DCAF15: variants seen among roughly 807,000 people sequenced by gnomAD.
The protein encoded by DCAF15 is DDB1 and CUL4 associated factor 15, also known as DDB1- and CUL4-associated factor 15.
A neutral mutation model predicts 68.0 loss-of-function variants in DCAF15; 24 were observed. That is an observed-to-expected ratio of 0.35 (90% confidence interval 0.26 to 0.50). DCAF15 has a LOEUF of 0.50. Ranked by LOEUF, DCAF15 falls within the 20% of genes least tolerant of loss-of-function variation. The pLI is 0.98. For missense variants in DCAF15, 627 were observed against 830.6 expected (o/e 0.75, Z 3.01); for synonymous variants, 376 against 341.6 (o/e 1.10, Z -1.11).
At chr19:13,955,688 C>A (rs879335416) in intron 3 of DCAF15, among the ~76,000 whole-genome samples, 22 of 152,188 alleles carry the variant, frequency 1.4e-4, no homozygotes, top group African/African-American at 5.3e-4. Flanking sequence ...GCAGTCTCCC[C>A]CGGGACATTG....
chr19:13,955,375 C>G (rs753244196), intron 3 of DCAF15, among the ~76,000 whole-genome samples: 1 of 152,112 alleles, frequency 6.6e-6, no homozygotes, highest in Non-Finnish European at 1.5e-5. Flanking sequence ...GAGCCGAGAT[C>G]GAACCACTGC....
chr19:13,958,748 T>C (rs1310097403), intron 6 of DCAF15, among the ~76,000 whole-genome samples: 2 of 152,148 alleles, frequency 1.3e-5, no homozygotes, highest in African/African-American at 4.8e-5. Flanking sequence ...CTCTACGCTG[T>C]AGAGTGTTGT....
chr19:13,954,327 A>T lies in DCAF15; in HGVS notation c.133-13A>T. 1.2e-6 allele frequency: 2 copies of T among 1,611,270 alleles called. No homozygotes were observed. Among genetic ancestry groups the T allele is most frequent in the Non-Finnish European group, 1.7e-6 (2 of 1,179,156 alleles). ...AGATGGTGCCTGAAGTGCCCTGGCCACCCCTTCCCCAGATCAGCGGACAGC... is the reference window on the plus strand; with the variant it reads ...AGATGGTGCCTGAAGTGCCCTGGCCTCCCCTTCCCCAGATCAGCGGACAGC... On this transcript the variant is annotated splice_polypyrimidine_tract_variant and intron_variant, in intron 1 of 12. Transcript: ENST00000254337.
chr19:13,952,975 C>T (rs566034063), intron 1 of DCAF15: 2 of 1,034,428 alleles, frequency 1.9e-6, no homozygotes, highest in East Asian at 2.9e-5. Flanking sequence ...CCAGGCTTTT[C>T]AAAGCTCTGC....
In DCAF15 at chr19:13,959,493, A is replaced by G; in HGVS notation, c.1219+14A>G. On this transcript the variant is annotated intron_variant, in intron 7 of 12. Transcript: ENST00000254337. Reference sequence around the variant, plus strand: ...AGCCGGAGGATGGTGAGCGGGGGGCAGGCATGTGACAGGGCCTGGGATGGA... The same window carrying G: ...AGCCGGAGGATGGTGAGCGGGGGGCGGGCATGTGACAGGGCCTGGGATGGA... The G allele has an allele frequency of 6.2e-7, 1 of 1,608,828 alleles. No homozygotes were observed.
At position 13,958,774 on chromosome 19, in the gene DCAF15, G is replaced by A. The variant is rs565576931; in HGVS notation, c.785-271G>A. On this transcript the variant is annotated intron_variant, in intron 6 of 12. Transcript: ENST00000254337. Reference sequence around the variant, plus strand: ...AGAGTGTTGTCTCCCTCAGGGCAGGGTTCTGTCTGTCTGGTTCACTCCTGT... The same window carrying A: ...AGAGTGTTGTCTCCCTCAGGGCAGGATTCTGTCTGTCTGGTTCACTCCTGT... Among the ~76,000 whole-genome samples the A allele has an allele frequency of 2.0e-5, 3 of 152,248 alleles. No individual in the cohort carries two copies. The South Asian group carries it at 6.2e-4, about 32-fold the overall frequency.
rs73517649 is a variant in DCAF15 at position 13,959,406 on chromosome 19, C to T, written c.1146C>T (p.Ser382=). The change falls in exon 7 of 13, where the codon TCC becomes TCT. Residue 382 remains serine, a synonymous_variant. Transcript: ENST00000254337. ...DSPPASEAPA[S]EPGYVNYTKL... ...CCCCTGCCTCGGAGGCACCTGCCTCCGAGCCTGGCTATGTCAACTACACCA... is the reference window on the plus strand; with the variant it reads ...CCCCTGCCTCGGAGGCACCTGCCTCTGAGCCTGGCTATGTCAACTACACCA... 1,541 of 1,607,306 alleles carry T rather than the reference C, an allele frequency of 9.6e-4. 16 individuals are homozygous for T. In the African/African-American group the frequency reaches 0.018, roughly 19 times the overall value.
At position 13,959,287 on chromosome 19, in the gene DCAF15, C is replaced by T. The variant is rs749578084; in HGVS notation, c.1027C>T (p.Arg343Trp). ...CAAGGGCGGGGTCCCTGAGGAAGCC[C>T]GGCCTGCCCTGTGCCCAGGACCCTC... ...EAKGGVPEEA[R>W]PALCPGPSGS... The change falls in exon 7 of 13, where the codon CGG becomes TGG. Residue 343 changes from arginine (R) to tryptophan (W), a missense_variant. Around this residue, in one of 3 missense-constraint regions of DCAF15, gnomAD observed 236 missense variants for 225.1 expected, o/e 1.05. Coordinates refer to ENST00000254337, the MANE Select transcript of DCAF15 (RefSeq NM_138353.4). The T allele has an allele frequency of 1.0e-4, 169 of 1,610,240 alleles. 1 individual carries two copies. Among genetic ancestry groups the T allele is most frequent in the East Asian group, 8.7e-4 (39 of 44,862 alleles).
At position 13,960,961 on chromosome 19, in the gene DCAF15, C is replaced by T. The variant is rs376320375; in HGVS notation, c.1769C>T (p.Ala590Val). 2.4e-5 allele frequency: 38 copies of T among 1,613,838 alleles called. No individual in the cohort carries two copies. Among genetic ancestry groups the T allele is most frequent in the Non-Finnish European group, 3.0e-5 (35 of 1,180,018 alleles). Reference sequence around the variant, plus strand: ...GTAGGGTGCTCCCTGAAGGTTCTGGCGGACAGCGAGCGATATACGTGGATC... The same window carrying T: ...GTAGGGTGCTCCCTGAAGGTTCTGGTGGACAGCGAGCGATATACGTGGATC... ...LHKGCSLKVL[A>V]DSERYTWIVL The change falls in exon 13 of 13, where the codon GCG (alanine) becomes GTG (valine). Residue 590 changes from alanine to valine, a missense_variant. Transcript: ENST00000254337.
chr19:13,953,175 C>G, intron 1 of DCAF15: 1 of 1,514,772 alleles, frequency 6.6e-7, no homozygotes, highest in Middle Eastern at 1.7e-4. Flanking sequence ...CTGAGTCTTC[C>G]CCCGCAGAGT....
At position 13,959,575 on chromosome 19, in the gene DCAF15, T is replaced by TCC. The variant is rs771002537; in HGVS notation, c.1220-4_1220-3dup. On this transcript the variant is annotated splice_polypyrimidine_tract_variant and splice_region_variant and intron_variant, in intron 7 of 12. Coordinates refer to ENST00000254337, the MANE Select transcript of DCAF15 (RefSeq NM_138353.4). ...CTCCACCCCACCCCCACTTCCTGCC[T>TCC]CCCCAGAGTTGGAGGACGACAAGAT... The TCC allele has an allele frequency of 1.2e-5, 16 of 1,347,054 alleles. No individual in the cohort carries two copies. 83.4% of individuals were successfully genotyped at this position (1,347,054 alleles called of 1,614,324 possible).
In DCAF15 at chr19:13,960,037, C is replaced by T. The variant is rs780400480; in HGVS notation, c.1494C>T (p.Ala498=). 9 of 1,613,754 alleles carry T rather than the reference C, an allele frequency of 5.6e-6. No homozygotes were observed. The African/African-American group carries it at 1.1e-4, about 19-fold the overall frequency. The change falls in exon 10 of 13, where the codon GCC becomes GCT. Residue 498 remains alanine, a synonymous_variant. Transcript: ENST00000254337. ...TCAACATTGGCCTGCTGCTCCTGGC[C>T]TTCCCGTCCCCCACTGAGGAGGGCC... ...VLINIGLLLL[A]FPSPTEEGQL... is the part of the protein sequence containing the mutation.
Position 13,952,660 on chromosome 19 carries a change from G to T in DCAF15, c.132+16G>T. ...GCGGGTCAAGGTGAGGCCTGGAGCCGGAGTGGGGAGCGCGCCGGAGGGTGG... is the reference window on the plus strand; with the variant it reads ...GCGGGTCAAGGTGAGGCCTGGAGCCTGAGTGGGGAGCGCGCCGGAGGGTGG... On this transcript the variant is annotated intron_variant, in intron 1 of 12. Coordinates refer to ENST00000254337, the MANE Select transcript of DCAF15 (RefSeq NM_138353.4). 2.3e-6 allele frequency: 3 copies of T among 1,294,728 alleles called. No individual in the cohort carries two copies. Among genetic ancestry groups the T allele is most frequent in the Non-Finnish European group, 2.0e-6 (2 of 1,020,670 alleles). 80.2% of individuals were successfully genotyped at this position (1,294,728 alleles called of 1,614,324 possible).
intron 12 of DCAF15, 62 bp from the exon 13 acceptor site, chr19:13,960,877 AG>A (rs1973600219): frequency 6.2e-7 from 1 of 1,605,372 alleles, no homozygotes; most frequent in African/African-American, 1.3e-5. Flanking sequence ...AGTCAGGTGG[AG>A]GGTGTGGCCG....
intron 6 of DCAF15, among the ~76,000 whole-genome samples, chr19:13,958,683 A>T (rs1371483095): frequency 6.6e-6 from 1 of 152,056 alleles, no homozygotes; most frequent in Non-Finnish European, 1.5e-5. Context: ...AAATCACAAG[A>T]TGTCCCTCGA....
rs1424314201 is a variant in DCAF15 at position 13,961,215 on chromosome 19, G to GC, written c.*225dup. ...AGTTGGGAAGGGGCAGAGAGAGGGC[G>GC]CCCCCTGCCCCACCAGCCTGAGTGC... On this transcript the variant is annotated 3_prime_UTR_variant, in exon 13 of 13. Transcript: ENST00000254337. 1 of 600,658 alleles carries GC rather than the reference G, an allele frequency of 1.7e-6. No homozygotes were observed. Among genetic ancestry groups the GC allele is most frequent in the Non-Finnish European group, 2.9e-6 (1 of 339,118 alleles). The allele number at this position is 600,658 out of a possible 1,614,324, so 37.2% of individuals were successfully genotyped here.
At chr19:13,956,642 A>G in intron 6 of DCAF15, 120 bp downstream of exon 6, 2 of 1,179,716 alleles carry the variant, frequency 1.7e-6, no homozygotes, top group South Asian at 2.9e-5. Context: ...CAAGTCACAC[A>G]GCCTGGTTGT....
Position 13,952,953 on chromosome 19 carries a change from G to A in DCAF15, c.132+309G>A. ...CAGAGGCCGCAGGGAGAATCAGGAGGAAGGGGGCGATCCAGGCTTTTCAAA... is the reference window on the plus strand; with the variant it reads ...CAGAGGCCGCAGGGAGAATCAGGAGAAAGGGGGCGATCCAGGCTTTTCAAA... On this transcript the variant is annotated intron_variant, in intron 1 of 12. Coordinates refer to ENST00000254337, the MANE Select transcript of DCAF15 (RefSeq NM_138353.4). The A allele has an allele frequency of 3.2e-6, 3 of 929,496 alleles. No individual in the cohort carries two copies. In the East Asian group the frequency reaches 9.0e-5, roughly 28 times the overall value. The allele number at this position is 929,496 out of a possible 1,614,324, so 57.6% of individuals were successfully genotyped here.
intron 6 of DCAF15, among the ~76,000 whole-genome samples, chr19:13,958,468 A>T (rs1403412479): frequency 6.6e-6 from 1 of 151,040 alleles, no homozygotes; most frequent in African/African-American, 2.4e-5. Context: ...CTTGGAGGAA[A>T]CCTGGGTTGG....
Sources: gnomAD v4.1 joint callset for allele counts (sites outside exome capture counted in the v4.1 genomes callset) on GRCh38, gnomAD v4.1.1 for gene constraint, gnomAD v4.1.1 regional missense constraint, MANE v1.5 for transcripts, NCBI Gene and HGNC (gene_info 2026-07-23, HGNC 2026-07-21) for gene names.